PRKD1: variants seen among roughly 807,000 people sequenced by gnomAD.
PRKD1 encodes serine/threonine-protein kinase D1.
PRKD1 carries 63 observed loss-of-function variants against 95.9 expected under a neutral mutation model. The ratio of observed to expected loss-of-function variants is 0.66; its 90% CI spans 0.54 to 0.81. The LOEUF is 0.81. Among genes scored for constraint, PRKD1 ranks in the 30% least tolerant of loss-of-function variants. The probability of loss-of-function intolerance (pLI) is 0.00; values close to 1 mark genes in which losing one functional copy is unlikely to be tolerated. For synonymous variants in PRKD1, 425 were observed against 423.1 expected (o/e 1.00, Z -0.05); for missense variants, 1,048 against 1,165.3 (o/e 0.90, Z 1.47).
chr14:29,597,644 T>C lies in PRKD1; in HGVS notation c.2281A>G (p.Asn761Asp), dbSNP rs775276901. 3 of 1,614,062 alleles carry C rather than the reference T, an allele frequency of 1.9e-6. No individual in the cohort carries two copies. The highest frequency in any genetic ancestry group is 2.5e-6 in the Non-Finnish European group (3 of 1,179,976). The change falls in exon 16 of 18, where the codon AAT becomes GAT. Residue 761 changes from asparagine to aspartate, a missense_variant. By Grantham distance (23) the Asn-to-Asp change is conservative (BLOSUM62 1). This residue lies in a region of PRKD1 where 739 missense variants were observed against 861.9 expected (regional missense o/e 0.86). Coordinates refer to ENST00000331968, the MANE Select transcript of PRKD1 (RefSeq NM_002742.3). ...ACAGACCACATGTCTAGAGAGCGAT[T>C]GTAGCCCTTGTTCCTTAGGACCTCA... Reference protein sequence around the residue: ...APEVLRNKGYNRSLDMWSVGV... With the variant: ...APEVLRNKGYDRSLDMWSVGV...
intron 4 of PRKD1, among the ~76,000 whole-genome samples, chr14:29,651,911 A>AT (rs999400275): frequency 8.6e-5 from 13 of 151,840 alleles, no homozygotes; most frequent in Non-Finnish European, 1.9e-4. Context: ...TGCCCAGCTA[A>AT]TTTTTTGTGT....
chr14:29,738,758 T>TTTCC (rs141407844), intron 1 of PRKD1, among the ~76,000 whole-genome samples: 62 of 151,202 alleles, frequency 4.1e-4, no homozygotes, highest in South Asian at 3.4e-3. Context: ...TCTTTCTTTC[T>TTTCC]TTCCTTCCTT....
At chr14:29,588,873 T>G (rs1893027498) in intron 16 of PRKD1, among the ~76,000 whole-genome samples, 1 of 151,436 alleles carries the variant, frequency 6.6e-6, no homozygotes, top group Non-Finnish European at 1.5e-5. Context: ...CTGGTCTTAA[T>G]TCCTGAGAAT....
At chr14:29,647,244 A>G (rs1045037779) in intron 4 of PRKD1, among the ~76,000 whole-genome samples, 1 of 152,198 alleles carries the variant, frequency 6.6e-6, no homozygotes, top group Non-Finnish European at 1.5e-5. Context: ...GCTGAGTGCT[A>G]AAGTAATCGT....
intron 1 of PRKD1, among the ~76,000 whole-genome samples, chr14:29,811,410 C>T (rs1435047951): frequency 6.6e-6 from 1 of 152,196 alleles, no homozygotes; most frequent in Admixed American, 6.5e-5. Context: ...TCCCTTCCCA[C>T]ACACAACTCT....
intron 4 of PRKD1, among the ~76,000 whole-genome samples, chr14:29,643,974 G>A (rs1486620393): frequency 6.6e-6 from 1 of 152,124 alleles, no homozygotes; most frequent in African/African-American, 2.4e-5. Context: ...TAGCATACAC[G>A]CCAACATCTC....
At chr14:29,891,530 T>TTTCA (rs1411601941) in intron 1 of PRKD1, among the ~76,000 whole-genome samples, 4 of 152,150 alleles carry the variant, frequency 2.6e-5, no homozygotes, top group Admixed American at 1.3e-4. Flanking sequence ...TTCGAGTCTA[T>TTTCA]TTCAGCACCT....
In PRKD1 at chr14:29,904,391, A is replaced by G. The variant is rs45517844; in HGVS notation, c.264+22858T>C. On this transcript the variant is annotated intron_variant, in intron 1 of 17. Coordinates refer to ENST00000331968, the MANE Select transcript of PRKD1 (RefSeq NM_002742.3). ...TAAAATCCCAACTCTGCCACTACCT[A>G]TATAATCCAGGGCAATTCTTTCTGT... Among the ~76,000 whole-genome samples, 639 of 152,306 alleles carry G rather than the reference A, an allele frequency of 4.2e-3. 5 individuals are homozygous for G. The highest frequency in any genetic ancestry group is 0.014 in the African/African-American group (590 of 41,562).
chr14:29,771,215 T>G lies in PRKD1; in HGVS notation c.265-45541A>C, dbSNP rs191457412. Among the ~76,000 whole-genome samples, 463 of 152,228 alleles carry G rather than the reference T, an allele frequency of 3.0e-3. 3 individuals are homozygous for G. Among genetic ancestry groups the G allele is most frequent in the African/African-American group, 0.01 (434 of 41,566 alleles). On this transcript the variant is annotated intron_variant, in intron 1 of 17. Transcript: ENST00000331968. ...CCCTTTGATAAAGAGACTGTTATGG[T>G]TCTGTGGAAGCCAGGTGCTGTTCAT...
chr14:29,638,962 T>TAA, intron 4 of PRKD1, 58 bp from the exon 5 acceptor site: 1 of 1,305,082 alleles, frequency 7.7e-7, no homozygotes, highest in Non-Finnish European at 1.1e-6. Flanking sequence ...GATTTATATA[T>TAA]TTATATATTT....
rs547316554 is a variant in PRKD1 at position 29,626,861 on chromosome 14, C to T, written c.1726-305G>A. 5.7e-4 allele frequency among the ~76,000 whole-genome samples: 87 copies of T among 151,982 alleles called. 1 individual carries two copies. Among genetic ancestry groups the T allele is most frequent in the African/African-American group, 1.6e-3 (67 of 41,476 alleles). ...TCCTGAGTAGTTGGGATTACAGGCA[C>T]ACGCCACCACGCCCAGCTAATTTTT... On this transcript the variant is annotated intron_variant, in intron 11 of 17. Transcript: ENST00000331968.
intron 16 of PRKD1, among the ~76,000 whole-genome samples, chr14:29,580,367 G>GAACCA (rs2138949153): frequency 6.6e-6 from 1 of 152,262 alleles, no homozygotes; most frequent in Non-Finnish European, 1.5e-5. Context: ...CAAGTGACCT[G>GAACCA]AGTAAGCACA....
chr14:29,734,900 T>C (rs1244294279), intron 1 of PRKD1, among the ~76,000 whole-genome samples: 1 of 152,198 alleles, frequency 6.6e-6, no homozygotes, highest in African/African-American at 2.4e-5. Context: ...TAGGCTCTGC[T>C]TGGGTTCTCC....
chr14:29,670,034 C>T (rs1882751991), intron 2 of PRKD1, among the ~76,000 whole-genome samples: 1 of 152,108 alleles, frequency 6.6e-6, no homozygotes, highest in African/African-American at 2.4e-5. Flanking sequence ...TATTGAGGCC[C>T]CAATACACTT....
At chr14:29,705,685 A>G (rs928037709) in intron 2 of PRKD1, among the ~76,000 whole-genome samples, 6 of 152,130 alleles carry the variant, frequency 3.9e-5, no homozygotes, top group Admixed American at 6.5e-5. Flanking sequence ...TTCTGTTTGT[A>G]TGGTTGTACT....
At chr14:29,898,094 G>T (rs1367161496) in intron 1 of PRKD1, among the ~76,000 whole-genome samples, 1 of 151,978 alleles carries the variant, frequency 6.6e-6, no homozygotes, top group Non-Finnish European at 1.5e-5. Flanking sequence ...TTTGAACTTG[G>T]AAGTTTTGAA....
At chr14:29,580,198 T>C (rs1892709445) in intron 16 of PRKD1, among the ~76,000 whole-genome samples, 1 of 152,068 alleles carries the variant, frequency 6.6e-6, no homozygotes, top group African/African-American at 2.4e-5. Flanking sequence ...TGTGCCCAAA[T>C]GGGCCCCAAC....
At chr14:29,591,228 A>G (rs147860072) in intron 16 of PRKD1, 53 of 152,162 alleles carry the variant, frequency 3.5e-4, no homozygotes, top group African/African-American at 1.3e-3. Flanking sequence ...TTCTTTTCTT[A>G]TTCTCACTAT....
At chr14:29,739,807 G>A (rs1356920297) in intron 1 of PRKD1, among the ~76,000 whole-genome samples, 2 of 152,140 alleles carry the variant, frequency 1.3e-5, no homozygotes, top group Non-Finnish European at 2.9e-5. Flanking sequence ...GACTCAGTGA[G>A]ATACTTAATG....
Sources: allele counts gnomAD v4.1 joint callset (sites outside exome capture counted in the v4.1 genomes callset), GRCh38; gene constraint gnomAD v4.1.1; regional missense constraint gnomAD v4.1.1; transcripts MANE v1.5; gene names NCBI Gene and HGNC (gene_info 2026-07-23, HGNC 2026-07-21).